The following NUDT11 variants were observed in gnomAD, a reference collection of about 807,000 sequenced individuals.
NUDT11 encodes nudix hydrolase 11, also known as diphosphoinositol polyphosphate phosphohydrolase 3-beta.
A neutral mutation model predicts 10.0 loss-of-function variants in NUDT11; 1 was observed. The ratio of observed to expected loss-of-function variants is 0.10; its 90% confidence interval spans 0.04 to 0.47. NUDT11 has a LOEUF of 0.47. Among genes scored for constraint, NUDT11 ranks in the 20% least tolerant of loss-of-function variants. NUDT11 has a pLI of 0.96. For missense variants in NUDT11, 47 were observed against 140.4 expected (o/e 0.33, Z 3.36); for synonymous variants, 63 against 65.9 (o/e 0.96, Z 0.21).
At chrX:51,494,833 T>C (rs192708332) in intron 1 of NUDT11, among the ~76,000 whole-genome samples, 1 of 112,178 alleles carries the variant, frequency 8.9e-6, no homozygotes, top group African/African-American at 3.2e-5. Flanking sequence ...TCCTAATAGT[T>C]TGACAATTCT....
In NUDT11 at chrX:51,491,642, G is replaced by A; in HGVS notation, c.*107C>T. 1 of 554,726 alleles carries A rather than the reference G, an allele frequency of 1.8e-6. No individual in the cohort carries two copies. Among genetic ancestry groups the A allele is most frequent in the Non-Finnish European group, 3.3e-6 (1 of 301,295 alleles). The allele number at this position is 554,726 out of a possible 1,213,427, so 45.7% of individuals were successfully genotyped here. On this transcript the variant is annotated 3_prime_UTR_variant, in exon 2 of 2. Transcript: ENST00000375992. Reference sequence around the variant, plus strand: ...GATGCAGGAAGAAACCAGATGAGCTGTCTTCTTGGGAACACAGAAGTGCTC... The same window carrying A: ...GATGCAGGAAGAAACCAGATGAGCTATCTTCTTGGGAACACAGAAGTGCTC...
rs1407709565 is a variant in NUDT11, at chrX:51,490,261, C to T, written c.*1488G>A. The T allele has an allele frequency of 9.0e-6, 1 of 111,303 alleles. No individual in the cohort carries two copies. Among genetic ancestry groups the T allele is most frequent in the African/African-American group, 3.3e-5 (1 of 30,666 alleles). The allele number at this position is 111,303 out of a possible 1,213,427, so 9.2% of individuals were successfully genotyped here. On this transcript the variant is annotated 3_prime_UTR_variant, in exon 2 of 2. Transcript: ENST00000375992. ...TAATCATTTTTTAAAACAACATAAC[C>T]ACAGTACCATATCACATCTTAAAAA...
rs782098715 is a variant in NUDT11 at position 51,496,421 on chromosome X, C to A, written c.24G>T (p.Thr8=). 1 of 1,207,101 alleles carries A rather than the reference C, an allele frequency of 8.3e-7. No homozygotes were observed. Among genetic ancestry groups the A allele is most frequent in the Non-Finnish European group, 1.1e-6 (1 of 893,527 alleles). Residue 8 remains threonine (T), a synonymous_variant, in exon 1 of 2, where the codon ACG becomes ACT. Transcript: ENST00000375992. The part of the protein sequence containing the change: MKCKPNQ[T]RTYDPEGFKK... ...TGAACCCCTCGGGGTCGTAGGTCCG[C>A]GTCTGGTTGGGTTTGCACTTCATCC...
intron 1 of NUDT11, among the ~76,000 whole-genome samples, chrX:51,495,283 C>G (rs1454759581): frequency 9.0e-6 from 1 of 111,690 alleles, no homozygotes; most frequent in Non-Finnish European, 1.9e-5. Context: ...ATTTCAGAAG[C>G]TAAAGTGACT....
At chrX:51,493,318 A>C (rs2146659694) in intron 1 of NUDT11, among the ~76,000 whole-genome samples, 1 of 112,096 alleles carries the variant, frequency 8.9e-6, no homozygotes, top group African/African-American at 3.2e-5. Flanking sequence ...TTTCTTTATC[A>C]AGACAGGGCT....
chrX:51,491,854 G>T, intron 1 of NUDT11, 105 bp from the exon 2 acceptor site: 1 of 554,511 alleles, frequency 1.8e-6, no homozygotes, highest in South Asian at 2.4e-5. Context: ...TTTGCATCAA[G>T]CACTTCACTT....
At position 51,490,066 on chromosome X, in the gene NUDT11, A is replaced by C. The variant is rs1292941309; in HGVS notation, c.*1683T>G. ...TCAAACATATACAAAAGTATAGAGA[A>C]TAGTATAATGAACTCTCAAACATCC... On this transcript the variant is annotated 3_prime_UTR_variant, in exon 2 of 2. Coordinates refer to ENST00000375992, the MANE Select transcript of NUDT11 (RefSeq NM_018159.4). 8.9e-6 allele frequency: 1 copy of C among 111,816 alleles called. No homozygotes were observed. Among genetic ancestry groups the C allele is most frequent in the Admixed American group, 9.5e-5 (1 of 10,488 alleles). 9.2% of individuals were successfully genotyped at this position (111,816 alleles called of 1,213,427 possible).
In NUDT11 at chrX:51,491,633, A is replaced by G; in HGVS notation, c.*116T>C. On this transcript the variant is annotated 3_prime_UTR_variant, in exon 2 of 2. Coordinates refer to ENST00000375992, the MANE Select transcript of NUDT11 (RefSeq NM_018159.4). ...GTGTCCCAAGATGCAGGAAGAAACC[A>G]GATGAGCTGTCTTCTTGGGAACACA... The G allele has an allele frequency of 1.8e-6, 1 of 547,508 alleles. No homozygotes were observed. The highest frequency in any genetic ancestry group is 3.4e-6 in the Non-Finnish European group (1 of 297,640). 45.1% of individuals were successfully genotyped at this position (547,508 alleles called of 1,213,427 possible).
In NUDT11 at chrX:51,496,431, G is replaced by C; in HGVS notation, c.14C>G (p.Pro5Arg). MKCK[P>R]NQTRTYDPEG... ...GGGGTCGTAGGTCCGCGTCTGGTTG[G>C]GTTTGCACTTCATCCTCGAGGCAGC... Residue 5 changes from proline to arginine, a missense_variant, in exon 1 of 2, where the codon CCC (proline) becomes CGC (arginine). By Grantham distance (103) the Pro-to-Arg change is moderately radical. Transcript: ENST00000375992. 8.4e-7 allele frequency: 1 copy of C among 1,194,500 alleles called. No individual in the cohort carries two copies. The highest frequency in any genetic ancestry group is 1.8e-5 in the African/African-American group (1 of 56,924).
At chrX:51,495,460 A>G (rs1486473757) in intron 1 of NUDT11, among the ~76,000 whole-genome samples, 2 of 112,175 alleles carry the variant, frequency 1.8e-5, no homozygotes, top group African/African-American at 6.5e-5. Context: ...ATGCCACACA[A>G]CCAAGCTGGT....
At position 51,490,951 on chromosome X, in the gene NUDT11, A is replaced by G. The variant is rs1557326123; in HGVS notation, c.*798T>C. 8.9e-6 allele frequency: 1 copy of G among 112,567 alleles called. No homozygotes were observed. The highest frequency in any genetic ancestry group is 2.8e-4 in the East Asian group (1 of 3,605). The allele number at this position is 112,567 out of a possible 1,213,427, so 9.3% of individuals were successfully genotyped here. On this transcript the variant is annotated 3_prime_UTR_variant, in exon 2 of 2. Coordinates refer to ENST00000375992, the MANE Select transcript of NUDT11 (RefSeq NM_018159.4). ...TTAAGATGACATGTAAGAAGTGGTT[A>G]GGGCAGGCATTGCAAAAAAATGTCT...
intron 1 of NUDT11, among the ~76,000 whole-genome samples, chrX:51,494,433 T>C (rs1925658476): frequency 8.9e-6 from 1 of 112,365 alleles, no homozygotes; most frequent in Admixed American, 9.4e-5. Flanking sequence ...TGTTTACCTA[T>C]ACTTAAATGT....
At chrX:51,494,880 GATGTAATCACCATA>G (rs1213262064) in intron 1 of NUDT11, among the ~76,000 whole-genome samples, 1 of 112,027 alleles carries the variant, frequency 8.9e-6, no homozygotes, top group Non-Finnish European at 1.9e-5. Flanking sequence ...ACTCAGTTGG[GATGTAATCACCATA>G]AAAGATTCCA....
intron 1 of NUDT11, among the ~76,000 whole-genome samples, chrX:51,495,159 T>C (rs1197374528): frequency 4.5e-5 from 5 of 111,703 alleles, no homozygotes; most frequent in Admixed American, 9.5e-5. Flanking sequence ...ACATGGGAAA[T>C]AGCCATTTGA....
In NUDT11 at chrX:51,490,217, A is replaced by G. The variant is rs1250345587; in HGVS notation, c.*1532T>C. 9.0e-6 allele frequency: 1 copy of G among 111,703 alleles called. No individual in the cohort carries two copies. The highest frequency in any genetic ancestry group is 1.9e-5 in the Non-Finnish European group (1 of 53,192). The allele number at this position is 111,703 out of a possible 1,213,427, so 9.2% of individuals were successfully genotyped here. On this transcript the variant is annotated 3_prime_UTR_variant, in exon 2 of 2. Transcript: ENST00000375992. Reference sequence around the variant, plus strand: ...ATATCATTTCACCTGTACATTTTTCAGTATACTTCTCTAAAAGATAATCAT... The same window carrying G: ...ATATCATTTCACCTGTACATTTTTCGGTATACTTCTCTAAAAGATAATCAT...
intron 1 of NUDT11, among the ~76,000 whole-genome samples, chrX:51,493,906 G>A (rs1233496081): frequency 5.4e-5 from 6 of 111,718 alleles, no homozygotes; most frequent in African/African-American, 9.7e-5. Context: ...TAGAAAGTAC[G>A]AGTTAAGTCT....
At position 51,496,214 on chromosome X, in the gene NUDT11, G is replaced by A; in HGVS notation, c.231C>T (p.Gly77=). The A allele has an allele frequency of 2.5e-6, 3 of 1,211,357 alleles. No homozygotes were observed. Among genetic ancestry groups the A allele is most frequent in the Middle Eastern group, 2.3e-4 (1 of 4,349 alleles). ...TCTGTTCGAAGACGCCCAGGAGCCG[G>A]CCTAACTTCCCCTTGACTCCCGCTT... ...YEEAGVKGKL[G]RLLGVFEQNQ... Residue 77 remains glycine, a synonymous_variant, in exon 1 of 2, where the codon GGC becomes GGT. Coordinates refer to ENST00000375992, the MANE Select transcript of NUDT11 (RefSeq NM_018159.4).
intron 1 of NUDT11, among the ~76,000 whole-genome samples, 163 bp from the exon 2 acceptor site, chrX:51,491,912 A>G (rs1925602546): frequency 8.9e-6 from 1 of 112,564 alleles, no homozygotes; most frequent in Non-Finnish European, 1.9e-5. Flanking sequence ...TGGATCAGCA[A>G]CTGAGGGGTT....
At position 51,495,856 on chromosome X, in the gene NUDT11, G is replaced by A; in HGVS notation, c.494+95C>T. On this transcript the variant is annotated intron_variant, in intron 1 of 1. Coordinates refer to ENST00000375992, the MANE Select transcript of NUDT11 (RefSeq NM_018159.4). ...AACAAAAGAAGCCTCCCTCCTCCCC[G>A]TGAGACCGCACATGGCACGAGAGGT... 12 of 1,130,310 alleles carry A rather than the reference G, an allele frequency of 1.1e-5. No homozygotes were observed. The South Asian group carries it at 1.1e-4, about 10-fold the overall frequency. 93.2% of individuals were successfully genotyped at this position (1,130,310 alleles called of 1,213,427 possible).
Sources: allele counts gnomAD v4.1 joint callset (sites outside exome capture counted in the v4.1 genomes callset), GRCh38; gene constraint gnomAD v4.1.1; transcripts MANE v1.5; gene names NCBI Gene and HGNC (gene_info 2026-07-23, HGNC 2026-07-21).